The following AKAP8 variants were observed in gnomAD, a reference collection of about 807,000 sequenced individuals.
The protein encoded by AKAP8 is A-kinase anchor protein 8.
A neutral mutation model predicts 67.5 loss-of-function variants in AKAP8; 24 were observed. The observed-to-expected ratio is 0.36, with a 90% CI of 0.26 to 0.50. The LOEUF (loss-of-function observed/expected upper bound fraction) is 0.50, where lower values mean the gene tolerates loss of function less well. Among genes scored for constraint, AKAP8 ranks in the 20% least tolerant of loss-of-function variants. AKAP8 has a pLI of 0.97. For missense variants in AKAP8, 971 were observed against 955.9 expected, an observed-to-expected ratio of 1.02 and a Z score of -0.21; for synonymous variants, 400 against 371.1, an observed-to-expected ratio of 1.08 and a Z score of -0.90.
intron 9 of AKAP8, among the ~76,000 whole-genome samples, chr19:15,366,844 G>A (rs1393312057): frequency 6.6e-6 from 1 of 151,962 alleles, no homozygotes; most frequent in Non-Finnish European, 1.5e-5. Flanking sequence ...CCCAACCTCA[G>A]GTGATCCGCC....
rs2048271085 is a variant in AKAP8, at chr19:15,355,317, G to A, written c.1677C>T (p.Asp559=). The change falls in exon 14 of 14, where the codon GAC becomes GAT. Residue 559 remains aspartate, a synonymous_variant. Coordinates refer to ENST00000269701, the MANE Select transcript of AKAP8 (RefSeq NM_005858.4). ...ETVDPEMEGD[D]NLGGEDKKET... ...CTTTCTTATCCTCACCTCCTAAATT[G>A]TCATCTCCTTCCATTTCTGGATCAA... The A allele has an allele frequency of 6.2e-7, 1 of 1,613,680 alleles. No individual in the cohort carries two copies. Among genetic ancestry groups the A allele is most frequent in the South Asian group, 1.1e-5 (1 of 91,078 alleles).
chr19:15,358,913 G>T, intron 13 of AKAP8, 54 bp downstream of exon 13: 3 of 1,529,026 alleles, frequency 2.0e-6, no homozygotes, highest in Non-Finnish European at 2.7e-6. Context: ...TGCTCCTGGG[G>T]TTCATCTTCC....
rs773213686 is a variant in AKAP8 at position 15,379,780 on chromosome 19, A to G, written c.-49T>C. 5 of 1,608,988 alleles carry G rather than the reference A, an allele frequency of 3.1e-6. No individual in the cohort carries two copies. Among genetic ancestry groups the G allele is most frequent in the Non-Finnish European group, 1.7e-6 (2 of 1,178,320 alleles). On this transcript the variant is annotated 5_prime_UTR_variant, in exon 1 of 14. Transcript: ENST00000269701. ...GCCCCGTTTACTAGGCGACCACAGCACGCATGCGTTCAGCGCACCTCCGCC... is the reference window on the plus strand; with the variant it reads ...GCCCCGTTTACTAGGCGACCACAGCGCGCATGCGTTCAGCGCACCTCCGCC...
chr19:15,362,308 G>C (rs1966980567), intron 9 of AKAP8, 57 bp from the exon 10 acceptor site: 5 of 1,597,258 alleles, frequency 3.1e-6, no homozygotes, highest in Middle Eastern at 1.7e-4. Flanking sequence ...AGTGAAGCAG[G>C]GGGCATCAGC....
rs536017395 is a variant in AKAP8, at chr19:15,368,143, C to G, written c.1160+92G>C. 72 of 1,538,978 alleles carry G rather than the reference C, an allele frequency of 4.7e-5. 1 individual carries two copies. The South Asian group carries it at 8.1e-4, about 17-fold the overall frequency. Reference sequence around the variant, plus strand: ...GCCAGAGGAGTCAGGCCACCAGGCCCCCAGCATTGTGGAGCGAGGACAGGT... The same window carrying G: ...GCCAGAGGAGTCAGGCCACCAGGCCGCCAGCATTGTGGAGCGAGGACAGGT... On this transcript the variant is annotated intron_variant, in intron 9 of 13. Coordinates refer to ENST00000269701, the MANE Select transcript of AKAP8 (RefSeq NM_005858.4).
intron 1 of AKAP8, 32 bp downstream of exon 1, chr19:15,379,681 T>C: frequency 6.2e-7 from 1 of 1,603,450 alleles, no homozygotes; most frequent in Non-Finnish European, 8.5e-7. Context: ...GAGCCTTCCC[T>C]CCCCGCTCCG....
intron 7 of AKAP8, 51 bp from the exon 8 acceptor site, chr19:15,370,230 C>T (rs750785419): frequency 5.6e-6 from 9 of 1,606,046 alleles, no homozygotes; most frequent in Non-Finnish European, 7.7e-6. Context: ...TGTCCAGACT[C>T]TCCACAACCA....
intron 9 of AKAP8, among the ~76,000 whole-genome samples, chr19:15,366,177 A>G (rs968484878): frequency 8.7e-5 from 5 of 57,418 alleles, no homozygotes; most frequent in Admixed American, 2.1e-4. Context: ...AGCAAAAAGT[A>G]GTAAAAAAAA....
In AKAP8 at chr19:15,361,764, T is replaced by C; in HGVS notation, c.1361A>G (p.Lys454Arg). 2 of 1,614,120 alleles carry C rather than the reference T, an allele frequency of 1.2e-6. No individual in the cohort carries two copies. Among genetic ancestry groups the C allele is most frequent in the Non-Finnish European group, 1.7e-6 (2 of 1,179,952 alleles). Residue 454 changes from lysine to arginine, a missense_variant, in exon 11 of 14, where the codon AAA (lysine) becomes AGA (arginine). Lys to Arg is a conservative substitution (Grantham distance 26). Transcript: ENST00000269701. ...IEKRRQELME[K>R]ETAKPKPDPF... ...ATCTGGTTTTGGTTTTGCGGTTTCTTTCTCCATCAATTCCTGACGCCGCTT... is the reference window on the plus strand; with the variant it reads ...ATCTGGTTTTGGTTTTGCGGTTTCTCTCTCCATCAATTCCTGACGCCGCTT...
chr19:15,355,559 C>T lies in AKAP8; in HGVS notation c.1624-189G>A, dbSNP rs551634121. Reference sequence around the variant, plus strand: ...GAAAACACCTCGGGGAGATATTCTGCAATTTTTTTTTTTTTTGAGATGGAG... The same window carrying T: ...GAAAACACCTCGGGGAGATATTCTGTAATTTTTTTTTTTTTTGAGATGGAG... On this transcript the variant is annotated intron_variant, in intron 13 of 13. Transcript: ENST00000269701. Among the ~76,000 whole-genome samples the T allele has an allele frequency of 1.2e-3, 124 of 101,548 alleles. 1 individual carries two copies. Among genetic ancestry groups the T allele is most frequent in the African/African-American group, 3.4e-3 (97 of 28,348 alleles). 66.6% of individuals were successfully genotyped at this position (101,548 alleles called of 152,430 possible). A position where few individuals can be genotyped will look rare whatever the true frequency, so the allele number is the denominator to read the frequency against.
chr19:15,370,919 C>T (rs1185038051), intron 7 of AKAP8, among the ~76,000 whole-genome samples: 2 of 152,068 alleles, frequency 1.3e-5, no homozygotes, highest in Non-Finnish European at 2.9e-5. Context: ...TGTGAGCCAC[C>T]GCGCCAGGCC....
intron 5 of AKAP8, 138 bp from the exon 6 acceptor site, chr19:15,372,485 G>A: frequency 4.7e-6 from 6 of 1,279,964 alleles, no homozygotes; most frequent in Non-Finnish European, 6.3e-6. Flanking sequence ...AACATAATTT[G>A]AAACTAAAAA....
intron 7 of AKAP8, among the ~76,000 whole-genome samples, chr19:15,371,631 G>A (rs1052814665): frequency 7.9e-5 from 12 of 151,988 alleles, no homozygotes; most frequent in African/African-American, 2.9e-4. Context: ...TGCTACTACA[G>A]GCAAGTGCCA....
intron 8 of AKAP8, chr19:15,368,921 T>C (rs1967111426): frequency 1.0e-6 from 1 of 985,638 alleles, no homozygotes; most frequent in Admixed American, 6.1e-5. Flanking sequence ...AGAAAAAAAT[T>C]TGGGAAGAGA....
rs199867696 is a variant in AKAP8, at chr19:15,372,275, C to G, written c.934G>C (p.Glu312Gln). 4 of 1,614,074 alleles carry G rather than the reference C, an allele frequency of 2.5e-6. No homozygotes were observed. The highest frequency in any genetic ancestry group is 1.7e-5 in the Admixed American group (1 of 60,000). ...GRKRKQFQLY[E>Q]EPDTKLARVD... ...CGGGCCAGTTTGGTGTCTGGCTCCT[C>G]GTAAAGTTGGAACTGCTTCCGTTTC... The change falls in exon 6 of 14, where the codon GAG becomes CAG. Residue 312 changes from glutamate to glutamine, a missense_variant. Physicochemically the swap from Glu to Gln is conservative, Grantham distance 29 (BLOSUM62 2). Coordinates refer to ENST00000269701, the MANE Select transcript of AKAP8 (RefSeq NM_005858.4).
rs539917207 is a variant in AKAP8, at chr19:15,369,678, C to T, written c.1072+468G>A. 3.9e-5 allele frequency among the ~76,000 whole-genome samples: 6 copies of T among 152,272 alleles called. No individual in the cohort carries two copies. The highest frequency in any genetic ancestry group is 1.2e-4 in the African/African-American group (5 of 41,568). On this transcript the variant is annotated intron_variant, in intron 8 of 13. Coordinates refer to ENST00000269701, the MANE Select transcript of AKAP8 (RefSeq NM_005858.4). This position sits in a 1 kb window ranked among gnomAD's most constrained non-coding sequence, Gnocchi z 4.6. ...GTCTGCTGTCACACACTCGCAGGCA[C>T]GAAGCAATGTGCAGTGCAGCTGCCA...
chr19:15,373,616 G>T, intron 4 of AKAP8, 170 bp downstream of exon 4: 2 of 986,604 alleles, frequency 2.0e-6, no homozygotes, highest in Non-Finnish European at 2.9e-6. Context: ...ATGAAGAAAA[G>T]CAAGGAAGTC....
intron 9 of AKAP8, among the ~76,000 whole-genome samples, chr19:15,363,540 TCAGCCCCCTCGCCCAGC>T (rs1333917061): frequency 1.7e-5 from 2 of 114,904 alleles, no homozygotes; most frequent in Non-Finnish European, 3.5e-5. Flanking sequence ...GGTGGGGGGG[TCAGCCCCCTCGCCCAGC>T]CAGCCGCCCC....
intron 13 of AKAP8, among the ~76,000 whole-genome samples, chr19:15,357,762 G>A (rs955166697): frequency 7.2e-6 from 1 of 139,644 alleles, no homozygotes; most frequent in African/African-American, 2.7e-5. Context: ...CATCCAGGCT[G>A]GAGTGCAGTG....
Sources: allele counts gnomAD v4.1 joint callset (sites outside exome capture counted in the v4.1 genomes callset), GRCh38; gene constraint gnomAD v4.1.1; non-coding constraint Gnocchi (gnomAD v3.1); transcripts MANE v1.5; gene names NCBI Gene and HGNC (gene_info 2026-07-23, HGNC 2026-07-21).